Variants in PIK3R3 observed in about 807,000 individuals in gnomAD.
PIK3R3 encodes phosphoinositide-3-kinase regulatory subunit 3.
A neutral mutation model predicts 62.9 loss-of-function variants in PIK3R3; 64 were observed. That is an observed-to-expected ratio of 1.02 (90% confidence interval 0.83 to 1.25). The LOEUF (loss-of-function observed/expected upper bound fraction) is 1.25. PIK3R3 is among the 50% of genes most tolerant of loss of function. The probability of loss-of-function intolerance (pLI) is 0.00; values close to 1 mark genes in which losing one functional copy is unlikely to be tolerated. For missense variants in PIK3R3, 614 were observed against 561.6 expected, an observed-to-expected ratio of 1.09 and a Z score of -0.94; for synonymous variants, 165 against 189.0, an observed-to-expected ratio of 0.87 and a Z score of 1.04.
At chr1:46,092,980 T>C (rs1651785505) in intron 1 of PIK3R3, among the ~76,000 whole-genome samples, 1 of 152,162 alleles carries the variant, frequency 6.6e-6, no homozygotes, top group African/African-American at 2.4e-5. Context: ...CTTCAATTGG[T>C]TTCACCAGTA....
At chr1:46,051,655 T>C (rs535454409) in intron 7 of PIK3R3, among the ~76,000 whole-genome samples, 30 of 152,270 alleles carry the variant, frequency 2.0e-4, no homozygotes, top group South Asian at 1.9e-3. Flanking sequence ...AAAAAACCCA[T>C]CATCATTATG....
chr1:46,170,325 C>G, the PIK3R3 span, among the ~76,000 whole-genome samples: 1 of 152,168 alleles, frequency 6.6e-6, no homozygotes, highest in Admixed American at 6.5e-5. Context: ...TCTGCTTTCT[C>G]TATCCCCACC....
At chr1:46,088,661 G>T (rs1374297553) in intron 1 of PIK3R3, among the ~76,000 whole-genome samples, 1 of 152,068 alleles carries the variant, frequency 6.6e-6, no homozygotes, top group Admixed American at 6.6e-5. Flanking sequence ...CAACTCAGAA[G>T]ATCCAGCATC....
chr1:46,061,826 G>C, intron 6 of PIK3R3, 103 bp downstream of exon 6: 1 of 1,027,860 alleles, frequency 9.7e-7, no homozygotes, highest in South Asian at 1.3e-5. Flanking sequence ...CCAATAGTAG[G>C]GCTGTGCAGT....
intron 3 of PIK3R3, among the ~76,000 whole-genome samples, chr1:46,077,043 A>G (rs1284039368): frequency 6.6e-6 from 1 of 152,198 alleles, no homozygotes; most frequent in Non-Finnish European, 1.5e-5. Flanking sequence ...TCATATATCC[A>G]TCACTTAAAA....
intron 1 of PIK3R3, among the ~76,000 whole-genome samples, chr1:46,122,349 C>T (rs1654748443): frequency 6.6e-6 from 1 of 152,022 alleles, no homozygotes; most frequent in Admixed American, 6.6e-5. Context: ...TAAAACTAAC[C>T]TAATACACTG....
At chr1:46,074,424 G>A (rs1258383885) in intron 3 of PIK3R3, among the ~76,000 whole-genome samples, 1 of 147,424 alleles carries the variant, frequency 6.8e-6, no homozygotes, top group Non-Finnish European at 1.5e-5. Flanking sequence ...ATTTCTCCTT[G>A]TATAAATTAG....
intron 2 of PIK3R3, 102 bp downstream of exon 2, chr1:46,080,540 C>T (rs1377248313): frequency 3.9e-6 from 3 of 774,674 alleles, no homozygotes; most frequent in Admixed American, 4.0e-5. Flanking sequence ...GGATTATAGG[C>T]ATGAGCCACC....
chr1:46,106,827 G>C (rs570363906), intron 1 of PIK3R3, among the ~76,000 whole-genome samples: 1 of 152,202 alleles, frequency 6.6e-6, no homozygotes, highest in African/African-American at 2.4e-5. Context: ...CCAGGATGGA[G>C]TGCAATGGCG....
intron 6 of PIK3R3, among the ~76,000 whole-genome samples, chr1:46,057,655 T>C (rs1253079690): frequency 1.3e-5 from 2 of 152,210 alleles, no homozygotes; most frequent in African/African-American, 2.4e-5. Context: ...AAGAGATTGA[T>C]AGCATTTTGC....
the PIK3R3 span, among the ~76,000 whole-genome samples, chr1:46,142,974 C>T: frequency 2.1e-3 from 316 of 152,196 alleles, 2 homozygotes; most frequent in African/African-American, 7.3e-3. Flanking sequence ...GTTGCAACAA[C>T]GTGGGCAAAC....
chr1:46,046,568 C>CA lies in PIK3R3; in HGVS notation c.998_999insT (p.Lys333AsnfsTer3). The CA allele has an allele frequency of 1.2e-6, 2 of 1,612,854 alleles. No homozygotes were observed. Among genetic ancestry groups the CA allele is most frequent in the Non-Finnish European group, 1.7e-6 (2 of 1,178,808 alleles). ...GAACTTACTCATCAGCATCCTCATT[C>CA]TTAATTCCCAGCCAGACATTCAGGC... On this transcript the variant is annotated frameshift_variant, in exon 8 of 10. Transcript: ENST00000262741. LOFTEE classifies it high-confidence loss of function.
intron 1 of PIK3R3, among the ~76,000 whole-genome samples, chr1:46,090,857 C>T (rs1651562688): frequency 1.3e-5 from 2 of 152,134 alleles, no homozygotes; most frequent in South Asian, 4.1e-4. Context: ...CTGAAATCAG[C>T]CACAGTGGGA....
intron 1 of PIK3R3, among the ~76,000 whole-genome samples, chr1:46,098,526 A>G (rs562404382): frequency 2.0e-5 from 3 of 152,360 alleles, no homozygotes; most frequent in South Asian, 2.1e-4. Context: ...GAATGAAGTA[A>G]TGATACATAC....
the PIK3R3 span, among the ~76,000 whole-genome samples, chr1:46,144,526 T>C: frequency 6.6e-6 from 1 of 152,162 alleles, no homozygotes; most frequent in African/African-American, 2.4e-5. Flanking sequence ...TCCCAGCACT[T>C]TGGGAGGCCG....
chr1:46,064,979 A>C (rs556039275), intron 5 of PIK3R3, among the ~76,000 whole-genome samples: 1 of 152,344 alleles, frequency 6.6e-6, no homozygotes, highest in Non-Finnish European at 1.5e-5. Context: ...TATCTACTAG[A>C]AAGAGCCCAA....
chr1:46,045,077 C>T (rs1178554194), intron 9 of PIK3R3, among the ~76,000 whole-genome samples: 1 of 152,236 alleles, frequency 6.6e-6, no homozygotes, highest in Non-Finnish European at 1.5e-5. Context: ...GTGACATTTA[C>T]TTCTTATGTC....
In PIK3R3 at chr1:46,043,475, G is replaced by A; in HGVS notation, c.*198C>T. ...TCCAGCTTAGTATGTCAGTGCAGCGGCATGGCTGAGTCCTAGAGAACCTCA... is the reference window on the plus strand; with the variant it reads ...TCCAGCTTAGTATGTCAGTGCAGCGACATGGCTGAGTCCTAGAGAACCTCA... On this transcript the variant is annotated 3_prime_UTR_variant, in exon 10 of 10. Coordinates refer to ENST00000262741, the MANE Select transcript of PIK3R3 (RefSeq NM_003629.4). 5.2e-6 allele frequency: 3 copies of A among 580,306 alleles called. No homozygotes were observed. The highest frequency in any genetic ancestry group is 9.3e-6 in the Non-Finnish European group (3 of 323,852). The allele number at this position is 580,306 out of a possible 1,614,324, so 35.9% of individuals were successfully genotyped here.
rs878901511 is a variant in PIK3R3, at chr1:46,040,385, TA to T, written c.*3287del. On this transcript the variant is annotated 3_prime_UTR_variant, in exon 10 of 10. Transcript: ENST00000262741. ...ACAGTTGGCTTTCTTGTGAGTCAGA[TA>T]TTTTTACGTAAACTACACGAATTTT... 5 of 231,212 alleles carry T rather than the reference TA, an allele frequency of 2.2e-5. No individual in the cohort carries two copies. The East Asian group carries it at 2.4e-4, about 11-fold the overall frequency. The allele number at this position is 231,212 out of a possible 1,614,324, so 14.3% of individuals were successfully genotyped here.
Sources: allele counts gnomAD v4.1 joint callset (sites outside exome capture counted in the v4.1 genomes callset), GRCh38; gene constraint gnomAD v4.1.1; transcripts MANE v1.5; gene names NCBI Gene and HGNC (gene_info 2026-07-23, HGNC 2026-07-21).